The following RBKS variants were observed in gnomAD, a reference collection of about 807,000 sequenced individuals.
RBKS encodes ribokinase.
Under a neutral mutation model 33.9 loss-of-function variants are expected in RBKS, and 33 were observed. That is an observed-to-expected ratio of 0.97 (90% CI 0.74 to 1.30). RBKS has a LOEUF of 1.30. RBKS is among the 50% of genes most tolerant of loss of function. The probability of loss-of-function intolerance (pLI) is 0.00; values close to 1 mark genes in which losing one functional copy is unlikely to be tolerated. For synonymous variants in RBKS, 125 were observed against 143.0 expected, an observed-to-expected ratio of 0.87 and a Z score of 0.90; for missense variants, 361 against 392.6, an observed-to-expected ratio of 0.92 and a Z score of 0.68.
chr2:27,813,789 A>C (rs1254613122), intron 7 of RBKS, among the ~76,000 whole-genome samples: 1 of 152,222 alleles, frequency 6.6e-6, no homozygotes, highest in African/African-American at 2.4e-5. Flanking sequence ...GATGAAAAAC[A>C]TAAATACTGA....
At chr2:27,813,976 TTGGGAGGCTGAGG>T (rs1475850869) in intron 7 of RBKS, among the ~76,000 whole-genome samples, 5 of 152,064 alleles carry the variant, frequency 3.3e-5, no homozygotes, top group African/African-American at 1.2e-4. Context: ...TTCCAGCACT[TTGGGAGGCTGAGG>T]TGGGAGGATT....
At chr2:27,821,040 C>CAAAA (rs59964452) in intron 7 of RBKS, among the ~76,000 whole-genome samples, 4 of 68,428 alleles carry the variant, frequency 5.8e-5, no homozygotes, top group Admixed American at 1.5e-4. Context: ...AACTCCATCT[C>CAAAA]AAAAAAAAAA....
At chr2:27,836,144 G>A (rs919322062) in intron 5 of RBKS, among the ~76,000 whole-genome samples, 5 of 152,162 alleles carry the variant, frequency 3.3e-5, no homozygotes, top group African/African-American at 9.7e-5. Flanking sequence ...GAACCTGGGA[G>A]GCGGAGGGTG....
chr2:27,818,439 G>T (rs1678139299), intron 7 of RBKS, among the ~76,000 whole-genome samples: 1 of 152,204 alleles, frequency 6.6e-6, no homozygotes, highest in South Asian at 2.1e-4. Flanking sequence ...AAGAGGCAGG[G>T]TGGTGACTGA....
intron 7 of RBKS, among the ~76,000 whole-genome samples, chr2:27,812,794 C>T (rs1000195149): frequency 6.6e-6 from 1 of 151,538 alleles, no homozygotes; most frequent in African/African-American, 2.4e-5. Flanking sequence ...CAACATGGCA[C>T]ATGTATACAT....
chr2:27,840,389 CACACA>C (rs1663466536), intron 5 of RBKS, among the ~76,000 whole-genome samples: 1 of 151,692 alleles, frequency 6.6e-6, no homozygotes, highest in Non-Finnish European at 1.5e-5. Context: ...CACACACACA[CACACA>C]CCCTCCTCAT....
intron 7 of RBKS, among the ~76,000 whole-genome samples, chr2:27,806,304 A>T (rs960901010): frequency 3.9e-5 from 6 of 152,250 alleles, no homozygotes; most frequent in Non-Finnish European, 8.8e-5. Flanking sequence ...ACACATCCAT[A>T]AGGCCATTAT....
chr2:27,787,494 A>C (rs114976596), intron 7 of RBKS, among the ~76,000 whole-genome samples: 11 of 152,148 alleles, frequency 7.2e-5, no homozygotes, highest in Admixed American at 4.6e-4. Context: ...TCCTGGGCTC[A>C]AGGGATCCTC....
Position 27,835,937 on chromosome 2 carries a change from C to T in RBKS, c.515-3160G>A, listed in dbSNP as rs116824974. Among the ~76,000 whole-genome samples, 1,051 of 152,022 alleles carry T rather than the reference C, an allele frequency of 6.9e-3. 15 individuals are homozygous for T. Among genetic ancestry groups the T allele is most frequent in the African/African-American group, 0.024 (1,008 of 41,472 alleles). Reference sequence around the variant, plus strand: ...ACTCTTAAAACACATAGTATCTGGCCGGGCACAGTGGCTCATGCCTGTAAT... The same window carrying T: ...ACTCTTAAAACACATAGTATCTGGCTGGGCACAGTGGCTCATGCCTGTAAT... On this transcript the variant is annotated intron_variant, in intron 5 of 7. Coordinates refer to ENST00000302188, the MANE Select transcript of RBKS (RefSeq NM_022128.3).
intron 7 of RBKS, among the ~76,000 whole-genome samples, chr2:27,786,776 C>T (rs1450906362): frequency 7.8e-6 from 1 of 128,660 alleles, no homozygotes; most frequent in Non-Finnish European, 1.6e-5. Context: ...GTGAGACTGT[C>T]TCAAAAAAAA....
intron 1 of RBKS, among the ~76,000 whole-genome samples, chr2:27,864,465 T>G (rs1317851917): frequency 6.6e-6 from 1 of 152,186 alleles, no homozygotes. Flanking sequence ...TATTTAAAAC[T>G]TACTTATGTG....
At chr2:27,793,266 A>G (rs1034150297) in intron 7 of RBKS, among the ~76,000 whole-genome samples, 2 of 152,230 alleles carry the variant, frequency 1.3e-5, no homozygotes, top group African/African-American at 4.8e-5. Context: ...GGAATCATCA[A>G]TGGAGGCATT....
At chr2:27,847,249 G>A in intron 3 of RBKS, 145 bp from the exon 4 acceptor site, 2 of 551,912 alleles carry the variant, frequency 3.6e-6, no homozygotes, top group Non-Finnish European at 3.3e-6. Flanking sequence ...AGTAATTAGT[G>A]CTAATTTATA....
At chr2:27,812,786 A>G (rs1005399041) in intron 7 of RBKS, among the ~76,000 whole-genome samples, 1 of 152,150 alleles carries the variant, frequency 6.6e-6, no homozygotes, top group Non-Finnish European at 1.5e-5. Flanking sequence ...CAGCACACCA[A>G]CATGGCACAT....
intron 7 of RBKS, among the ~76,000 whole-genome samples, chr2:27,799,199 G>A (rs1370251992): frequency 6.6e-6 from 1 of 152,226 alleles, no homozygotes; most frequent in African/African-American, 2.4e-5. Context: ...AAGGGGACAA[G>A]TTGGAGGAAA....
chr2:27,796,426 T>C (rs1291422072), intron 7 of RBKS, among the ~76,000 whole-genome samples: 1 of 152,222 alleles, frequency 6.6e-6, no homozygotes, highest in East Asian at 1.9e-4. Context: ...CTTCCTTCAA[T>C]ATAATACCCA....
chr2:27,860,774 T>C (rs1663958753), intron 1 of RBKS, among the ~76,000 whole-genome samples: 1 of 152,228 alleles, frequency 6.6e-6, no homozygotes, highest in African/African-American at 2.4e-5. Flanking sequence ...CTCCTCTTTT[T>C]CTTCTGCATC....
At chr2:27,830,437 T>TTTTTTTTG in intron 6 of RBKS, among the ~76,000 whole-genome samples, 1 of 152,096 alleles carries the variant, frequency 6.6e-6, no homozygotes, top group East Asian at 1.9e-4. Flanking sequence ...AGCTAATTTT[T>TTTTTTTTG]GTATTTTTAG....
intron 7 of RBKS, among the ~76,000 whole-genome samples, chr2:27,808,363 A>G (rs920846853): frequency 1.3e-5 from 2 of 152,242 alleles, no homozygotes; most frequent in African/African-American, 4.8e-5. Context: ...GTATTTAGTA[A>G]CCATTTTTAA....
Sources: gnomAD v4.1 joint callset for allele counts (sites outside exome capture counted in the v4.1 genomes callset) on GRCh38, gnomAD v4.1.1 for gene constraint, MANE v1.5 for transcripts, NCBI Gene and HGNC (gene_info 2026-07-23, HGNC 2026-07-21) for gene names.